Variants in LMBR1 observed in about 807,000 individuals in gnomAD.
The protein encoded by LMBR1 is limb development membrane protein 1, also known as limb region 1 protein homolog.
In LMBR1, 52 loss-of-function variants were observed where a neutral mutation model predicts 73.9. The observed-to-expected ratio is 0.70, with a 90% CI of 0.56 to 0.89. The LOEUF is 0.89. Ranked by LOEUF, LMBR1 falls within the 40% of genes least tolerant of loss-of-function variation. The pLI is 0.00. For missense variants in LMBR1, 539 were observed against 579.8 expected (o/e 0.93, Z 0.72); for synonymous variants, 215 against 209.4 (o/e 1.03, Z -0.23).
intron 15 of LMBR1, among the ~76,000 whole-genome samples, chr7:156,715,440 T>TGTA (rs890321542): frequency 3.7e-4 from 57 of 152,354 alleles, no homozygotes; most frequent in African/African-American, 1.3e-3. Flanking sequence ...CCATTCATGT[T>TGTA]GTAGTATGTA....
At position 156,700,457 on chromosome 7, in the gene LMBR1, T is replaced by C. The variant is rs1451489090; in HGVS notation, c.1226-12266A>G. ...TACCTAATGCTAAATGATGAGTTAA[T>C]GGGTGCAGCACACCAACATGGCACG... On this transcript the variant is annotated intron_variant, in intron 15 of 16. Coordinates refer to ENST00000353442, the MANE Select transcript of LMBR1 (RefSeq NM_022458.4). 4.6e-5 allele frequency among the ~76,000 whole-genome samples: 7 copies of C among 152,042 alleles called. No homozygotes were observed. In the East Asian group the frequency reaches 1.4e-3, roughly 29 times the overall value.
intron 5 of LMBR1, among the ~76,000 whole-genome samples, chr7:156,774,763 T>C (rs987508258): frequency 1.3e-5 from 2 of 150,470 alleles, no homozygotes; most frequent in African/African-American, 4.9e-5. Context: ...ACCTGGGAGG[T>C]GAAGGTTGCA....
At chr7:156,874,628 G>A (rs1799886481) in intron 1 of LMBR1, among the ~76,000 whole-genome samples, 1 of 152,244 alleles carries the variant, frequency 6.6e-6, no homozygotes, top group South Asian at 2.1e-4. Context: ...ACAGGACTCT[G>A]TGCAGACAAC....
At chr7:156,697,456 C>A (rs1808553285) in intron 15 of LMBR1, among the ~76,000 whole-genome samples, 2 of 152,178 alleles carry the variant, frequency 1.3e-5, no homozygotes, top group Admixed American at 1.3e-4. Flanking sequence ...CCTGAGGGTA[C>A]TGCAGGAGAC....
chr7:156,733,167 A>G (rs1817187485), intron 10 of LMBR1, among the ~76,000 whole-genome samples: 1 of 152,152 alleles, frequency 6.6e-6, no homozygotes, highest in African/African-American at 2.4e-5. Context: ...AAAACAAAAC[A>G]AAAAGAAATA....
chr7:156,789,966 CT>C (rs1828910798), intron 5 of LMBR1, among the ~76,000 whole-genome samples: 1 of 151,888 alleles, frequency 6.6e-6, no homozygotes, highest in African/African-American at 2.4e-5. Context: ...TTTCTGTTTC[CT>C]CTCTGCCAAA....
intron 15 of LMBR1, among the ~76,000 whole-genome samples, chr7:156,717,230 C>T (rs1259369747): frequency 6.6e-6 from 1 of 152,162 alleles, no homozygotes; most frequent in African/African-American, 2.4e-5. Flanking sequence ...AAGCATTTAC[C>T]ATACGTCTCA....
chr7:156,814,140 T>C (rs909047814), intron 4 of LMBR1, among the ~76,000 whole-genome samples: 1 of 152,170 alleles, frequency 6.6e-6, no homozygotes, highest in Admixed American at 6.5e-5. Flanking sequence ...ACTCAATAAA[T>C]TCCTCACAAA....
At chr7:156,839,441 G>A (rs73166196) in intron 1 of LMBR1, among the ~76,000 whole-genome samples, 4,137 of 152,254 alleles carry the variant, frequency 0.027, 103 homozygotes, top group Non-Finnish European at 0.039. Context: ...TGGGTCAACA[G>A]GAGATCTCGT....
intron 5 of LMBR1, among the ~76,000 whole-genome samples, chr7:156,786,711 A>C (rs1828174997): frequency 6.6e-6 from 1 of 152,216 alleles, no homozygotes; most frequent in African/African-American, 2.4e-5. Flanking sequence ...GGGCCTGCTT[A>C]TATAATGTTT....
chr7:156,691,742 T>TAA (rs1251348136), intron 15 of LMBR1, among the ~76,000 whole-genome samples: 1 of 150,228 alleles, frequency 6.7e-6, no homozygotes, highest in African/African-American at 2.5e-5. Context: ...TCTTGTTATT[T>TAA]TAAAAAAAAA....
chr7:156,732,819 A>G (rs10265774), intron 10 of LMBR1, among the ~76,000 whole-genome samples: 28,125 of 152,164 alleles, frequency 0.18, 2,778 homozygotes, highest in African/African-American at 0.27. Context: ...TAACTTAACT[A>G]CATTTCAGAA....
chr7:156,675,715 G>A (rs561586118), downstream of LMBR1: 10 of 1,359,548 alleles, frequency 7.4e-6, no homozygotes, highest in South Asian at 1.2e-5. Context: ...ATCAGCCACC[G>A]CATCCTGTGC....
At chr7:156,829,454 T>C (rs1361071515) in intron 3 of LMBR1, among the ~76,000 whole-genome samples, 1 of 152,182 alleles carries the variant, frequency 6.6e-6, no homozygotes, top group East Asian at 1.9e-4. Flanking sequence ...TAAAGGAACC[T>C]GGCACCTTCT....
At chr7:156,732,775 G>A (rs1156240957) in intron 10 of LMBR1, among the ~76,000 whole-genome samples, 1 of 152,178 alleles carries the variant, frequency 6.6e-6, no homozygotes, top group Non-Finnish European at 1.5e-5. Flanking sequence ...AAAGTCTTCA[G>A]AACAAGATAC....
chr7:156,876,292 C>A (rs1800163206), intron 1 of LMBR1, among the ~76,000 whole-genome samples: 1 of 152,064 alleles, frequency 6.6e-6, no homozygotes, highest in African/African-American at 2.4e-5. Context: ...ATATATGCAC[C>A]TAACACTGGA....
At chr7:156,793,997 TC>T (rs1264961570) in intron 5 of LMBR1, among the ~76,000 whole-genome samples, 3 of 152,196 alleles carry the variant, frequency 2.0e-5, no homozygotes, top group African/African-American at 7.2e-5. Flanking sequence ...CAAGCTAGAA[TC>T]CCATCTCCCT....
downstream of LMBR1, among the ~76,000 whole-genome samples, chr7:156,675,160 A>G (rs1275314308): frequency 6.6e-6 from 1 of 152,252 alleles, no homozygotes; most frequent in Non-Finnish European, 1.5e-5. Flanking sequence ...CGGAGACCCG[A>G]AGAGACAGTA....
intron 15 of LMBR1, among the ~76,000 whole-genome samples, chr7:156,715,865 T>C (rs1024504632): frequency 1.3e-5 from 2 of 152,220 alleles, no homozygotes; most frequent in Admixed American, 6.5e-5. Context: ...TTGGCTACTG[T>C]TGTAATGGTC....
Sources: gnomAD v4.1 joint callset for allele counts (sites outside exome capture counted in the v4.1 genomes callset) on GRCh38, gnomAD v4.1.1 for gene constraint, MANE v1.5 for transcripts, NCBI Gene and HGNC (gene_info 2026-07-23, HGNC 2026-07-21) for gene names.